SEMA6D: variants seen among roughly 807,000 people sequenced by gnomAD.
SEMA6D encodes the protein semaphorin-6D.
Under a neutral mutation model 106.6 loss-of-function variants are expected in SEMA6D, and 35 were observed. That is an observed-to-expected ratio of 0.33 (90% CI 0.25 to 0.44). The LOEUF (loss-of-function observed/expected upper bound fraction) is 0.44. SEMA6D is among the 20% of genes least tolerant of loss of function. The pLI is 1.00. For missense variants in SEMA6D, 1,185 were observed against 1,345.9 expected, an observed-to-expected ratio of 0.88 and a Z score of 1.87; for synonymous variants, 499 against 487.7, an observed-to-expected ratio of 1.02 and a Z score of -0.31.
intron 1 of SEMA6D, among the ~76,000 whole-genome samples, chr15:47,364,366 A>G (rs1408623994): frequency 1.3e-5 from 2 of 152,180 alleles, no homozygotes; most frequent in East Asian, 1.9e-4. Context: ...CAAGGCCTAC[A>G]TGACTGTCTC....
intron 1 of SEMA6D, among the ~76,000 whole-genome samples, chr15:47,360,789 A>G (rs2038775950): frequency 6.6e-6 from 1 of 152,266 alleles, no homozygotes; most frequent in Non-Finnish European, 1.5e-5. Context: ...AGAAAAATAA[A>G]ATGAATATGA....
chr15:47,354,193 CTCTCTCTATATA>C lies in SEMA6D; in HGVS notation c.-238-58198_-238-58187del, dbSNP rs1386825266. ...TGAGAAAGCCTCTCTCTCTCTCTCT[CTCTCTCTATATA>C]TATATATATATATATATACACACAT... On this transcript the variant is annotated intron_variant, in intron 1 of 19. Coordinates refer to the SEMA6D transcript ENST00000558014. 4.9e-3 allele frequency among the ~76,000 whole-genome samples: 75 copies of C among 15,218 alleles called. 1 individual carries two copies. Among genetic ancestry groups the C allele is most frequent in the Non-Finnish European group, 9.0e-3 (58 of 6,414 alleles). The allele number at this position is 15,218 out of a possible 152,430, so 10.0% of individuals were successfully genotyped here. A position where few individuals can be genotyped will look rare whatever the true frequency, so the allele number is the denominator to read the frequency against.
chr15:47,685,149 G>A (rs765599452), intron 4 of SEMA6D, among the ~76,000 whole-genome samples: 8 of 152,102 alleles, frequency 5.3e-5, no homozygotes, highest in Non-Finnish European at 8.8e-5. Context: ...TTTCCAAGCG[G>A]TCTGTTTCTC....
At chr15:47,516,336 C>T (rs925235409) in intron 3 of SEMA6D, among the ~76,000 whole-genome samples, 1 of 152,114 alleles carries the variant, frequency 6.6e-6, no homozygotes. Flanking sequence ...ACAAAAGAAT[C>T]TTTTGGAATG....
At chr15:47,282,804 C>T (rs924049369) in intron 1 of SEMA6D, among the ~76,000 whole-genome samples, 11 of 152,110 alleles carry the variant, frequency 7.2e-5, no homozygotes, top group South Asian at 4.2e-4. Context: ...TTGTTCCTGA[C>T]ATCAGCCCCA....
chr15:47,667,640 G>C (rs117585054), intron 4 of SEMA6D, among the ~76,000 whole-genome samples: 1 of 152,136 alleles, frequency 6.6e-6, no homozygotes, highest in Non-Finnish European at 1.5e-5. Flanking sequence ...CTTGATGTCC[G>C]GTGAGAGTGC....
chr15:47,479,041 C>G (rs964983218), intron 3 of SEMA6D, among the ~76,000 whole-genome samples: 4 of 152,200 alleles, frequency 2.6e-5, no homozygotes, highest in Admixed American at 2.0e-4. Flanking sequence ...TCCAATGACA[C>G]ATAGGGATTA....
chr15:47,415,595 A>T (rs894981423), intron 2 of SEMA6D, among the ~76,000 whole-genome samples: 2 of 151,912 alleles, frequency 1.3e-5, no homozygotes, highest in Admixed American at 6.6e-5. Context: ...TTTTTTAGCT[A>T]TTGACCCACA....
chr15:47,347,813 A>C (rs573168315), intron 1 of SEMA6D, among the ~76,000 whole-genome samples: 1 of 152,298 alleles, frequency 6.6e-6, no homozygotes, highest in South Asian at 2.1e-4. Flanking sequence ...CACCCAGAAA[A>C]TTATGATTAA....
chr15:47,710,153 G>A (rs1284815094), intron 4 of SEMA6D, among the ~76,000 whole-genome samples: 1 of 152,166 alleles, frequency 6.6e-6, no homozygotes, highest in Non-Finnish European at 1.5e-5. Flanking sequence ...AATAGAGGCT[G>A]ATGGATTAGC....
chr15:47,226,801 G>A (rs945478762), intron 1 of SEMA6D, among the ~76,000 whole-genome samples: 7 of 152,076 alleles, frequency 4.6e-5, no homozygotes, highest in African/African-American at 1.7e-4. Context: ...ACTTTGCCCT[G>A]TAGTCTCCCT....
chr15:47,452,382 C>T (rs1379009320), intron 2 of SEMA6D, among the ~76,000 whole-genome samples: 1 of 150,514 alleles, frequency 6.6e-6, no homozygotes, highest in African/African-American at 2.4e-5. Context: ...AGCTTTGACA[C>T]TTAGCATCTG....
chr15:47,696,910 G>A lies in SEMA6D; in HGVS notation c.-54-62835G>A, dbSNP rs181829613. Among the ~76,000 whole-genome samples, 682 of 152,212 alleles carry A rather than the reference G, an allele frequency of 4.5e-3. 7 individuals are homozygous for A. Among genetic ancestry groups the A allele is most frequent in the South Asian group, 1.0e-2 (48 of 4,812 alleles). On this transcript the variant is annotated intron_variant, in intron 4 of 19. Coordinates refer to the SEMA6D transcript ENST00000558014. ...CTAACTGAATATTTGACACAATAAG[G>A]ACTTAATACATGGGAACTGCTATTA...
At chr15:47,437,115 C>T (rs116608377) in intron 2 of SEMA6D, among the ~76,000 whole-genome samples, 1,616 of 151,948 alleles carry the variant, frequency 0.011, 28 homozygotes, top group African/African-American at 0.037. Context: ...CTCTCACTGA[C>T]ACTAAAAAGA....
chr15:47,342,106 G>T (rs2037842094), intron 1 of SEMA6D, among the ~76,000 whole-genome samples: 1 of 151,820 alleles, frequency 6.6e-6, no homozygotes, highest in Non-Finnish European at 1.5e-5. Flanking sequence ...AGTGCTTTAG[G>T]TTCCTGTGTT....
chr15:47,276,869 G>A (rs775956145), intron 1 of SEMA6D, among the ~76,000 whole-genome samples: 3 of 152,072 alleles, frequency 2.0e-5, no homozygotes, highest in Non-Finnish European at 2.9e-5. Context: ...GAAAACCTTC[G>A]GGTAAGGATT....
intron 3 of SEMA6D, among the ~76,000 whole-genome samples, chr15:47,516,858 T>C (rs1006902416): frequency 6.6e-6 from 1 of 152,162 alleles, no homozygotes; most frequent in Non-Finnish European, 1.5e-5. Context: ...GAGTCCACAC[T>C]CAAAAGTAGC....
chr15:47,468,205 A>G (rs374180077), intron 2 of SEMA6D, among the ~76,000 whole-genome samples: 12 of 152,116 alleles, frequency 7.9e-5, no homozygotes, highest in African/African-American at 2.9e-4. Context: ...ATGTGTGTTC[A>G]TACCTATGTT....
chr15:47,287,589 A>G (rs1037076132), intron 1 of SEMA6D, among the ~76,000 whole-genome samples: 7 of 152,136 alleles, frequency 4.6e-5, no homozygotes, highest in African/African-American at 1.4e-4. Flanking sequence ...TATACCTCAG[A>G]ATCAGCTCTG....
Sources: gnomAD v4.1 joint callset for allele counts (sites outside exome capture counted in the v4.1 genomes callset) on GRCh38, gnomAD v4.1.1 for gene constraint, MANE v1.5 for transcripts, NCBI Gene and HGNC (gene_info 2026-07-23, HGNC 2026-07-21) for gene names.